The following KANK1 variants were observed in gnomAD, a reference collection of about 807,000 sequenced individuals.
KANK1 encodes the protein KN motif and ankyrin repeat domains 1, also known as KN motif and ankyrin repeat domain-containing protein 1.
KANK1 carries 109 observed loss-of-function variants against 106.2 expected under a neutral mutation model. The observed-to-expected ratio is 1.03, with a 90% CI of 0.88 to 1.20. The LOEUF is 1.20. KANK1 is among the 50% of genes most tolerant of loss of function. The pLI, the probability that KANK1 is intolerant of heterozygous loss-of-function variation, is 0.00. For synonymous variants in KANK1, 873 were observed against 652.2 expected, an observed-to-expected ratio of 1.34 and a Z score of -5.16; for missense variants, 2,399 against 1,710.7, an observed-to-expected ratio of 1.40 and a Z score of -7.10.
chr9:723,300 G>C (rs1829834201), intron 3 of KANK1, among the ~76,000 whole-genome samples: 1 of 152,138 alleles, frequency 6.6e-6, no homozygotes, highest in African/African-American at 2.4e-5. Flanking sequence ...AGTAAGCTGT[G>C]GTGAGAAAAA....
intron 9 of KANK1, 57 bp downstream of exon 9, chr9:740,991 G>A (rs541533752): frequency 1.3e-6 from 2 of 1,591,802 alleles, no homozygotes; most frequent in East Asian, 2.2e-5. Flanking sequence ...AGACAGGACT[G>A]CGGTGGCCAT....
Position 562,238 on chromosome 9 carries a change from G to A in KANK1, c.-84+57484G>A, listed in dbSNP as rs537995311. ...CGGCTAATTTTTTGTATTTTTAGTA[G>A]AGACGGGGTTTCACCTTGTTAGCCA... On this transcript the variant is annotated intron_variant, in intron 1 of 11. Transcript: ENST00000382297. Among the ~76,000 whole-genome samples the A allele has an allele frequency of 1.4e-3, 209 of 150,646 alleles. 1 individual carries two copies. The highest frequency in any genetic ancestry group is 3.8e-3 in the Admixed American group (58 of 15,124).
At chr9:737,610 G>A (rs1589314673) in intron 7 of KANK1, among the ~76,000 whole-genome samples, 1 of 152,176 alleles carries the variant, frequency 6.6e-6, no homozygotes, top group Non-Finnish European at 1.5e-5. Flanking sequence ...TGGAGCTGAT[G>A]AGAGAATGAA....
chr9:574,188 GGGGCCGAAGCTCTGT>G (rs1819936306), intron 1 of KANK1, among the ~76,000 whole-genome samples: 1 of 152,246 alleles, frequency 6.6e-6, no homozygotes, highest in Non-Finnish European at 1.5e-5. Context: ...CTTAGGAAAG[GGGGCCGAAGCTCTGT>G]ACCTGTAACA....
intron 3 of KANK1, among the ~76,000 whole-genome samples, chr9:718,644 C>T (rs191742861): frequency 6.6e-6 from 1 of 152,138 alleles, no homozygotes; most frequent in Non-Finnish European, 1.5e-5. Context: ...TTGTGGACTT[C>T]CATGGCCTCC....
intron 1 of KANK1, among the ~76,000 whole-genome samples, chr9:559,100 G>A (rs929077992): frequency 5.3e-5 from 8 of 152,100 alleles, no homozygotes; most frequent in Admixed American, 6.5e-5. Flanking sequence ...ACTGTGATCT[G>A]TATTTTAAAT....
intron 3 of KANK1, among the ~76,000 whole-genome samples, chr9:481,123 C>T (rs958647945): frequency 4.6e-5 from 7 of 152,150 alleles, no homozygotes; most frequent in African/African-American, 1.4e-4. Flanking sequence ...TGTAGAATAT[C>T]TCATGTAATT....
intron 1 of KANK1, among the ~76,000 whole-genome samples, chr9:587,654 A>G (rs1046826782): frequency 6.6e-6 from 1 of 152,198 alleles, no homozygotes; most frequent in East Asian, 1.9e-4. Context: ...AACTTGAGTA[A>G]CATTTATTAC....
chr9:697,737 A>G (rs903233157), intron 2 of KANK1, among the ~76,000 whole-genome samples: 2 of 152,200 alleles, frequency 1.3e-5, no homozygotes, highest in African/African-American at 2.4e-5. Context: ...ACTTGTTACT[A>G]TCATTAATCA....
chr9:666,354 G>GT (rs1471057892), intron 1 of KANK1, among the ~76,000 whole-genome samples: 1 of 152,100 alleles, frequency 6.6e-6, no homozygotes, highest in Non-Finnish European at 1.5e-5. Flanking sequence ...ACTTCTAATA[G>GT]TTTTTTGGTT....
intron 1 of KANK1, among the ~76,000 whole-genome samples, chr9:645,459 AAAG>A (rs1839462214): frequency 1.3e-5 from 2 of 148,976 alleles, no homozygotes; most frequent in East Asian, 3.9e-4. Context: ...AAAAAAAAAA[AAAG>A]GCCTTAAGAT....
intron 2 of KANK1, chr9:686,680 C>T: frequency 1.2e-6 from 1 of 853,040 alleles, no homozygotes; most frequent in Non-Finnish European, 1.4e-6. Context: ...CCAGGGACAA[C>T]TGTTTGGCAG....
chr9:616,620 G>A (rs1004036498), intron 1 of KANK1, among the ~76,000 whole-genome samples: 2 of 152,074 alleles, frequency 1.3e-5, no homozygotes, highest in African/African-American at 4.8e-5. Context: ...TCCTTTCTAA[G>A]CCACTCATTA....
intron 1 of KANK1, among the ~76,000 whole-genome samples, chr9:552,102 A>G (rs976494097): frequency 6.6e-6 from 1 of 152,140 alleles, no homozygotes; most frequent in Non-Finnish European, 1.5e-5. Flanking sequence ...AATCTAGCCT[A>G]GGCAAGTACG....
intron 1 of KANK1, among the ~76,000 whole-genome samples, chr9:525,371 G>C (rs1321586093): frequency 1.3e-5 from 2 of 150,940 alleles, no homozygotes; most frequent in Non-Finnish European, 2.9e-5. Context: ...GTGTGTGTGT[G>C]TGTGTGTGTG....
intron 1 of KANK1, among the ~76,000 whole-genome samples, chr9:562,422 C>G (rs965139076): frequency 6.6e-5 from 10 of 152,184 alleles, no homozygotes; most frequent in Non-Finnish European, 1.3e-4. Context: ...TGGGAACGGA[C>G]AAAAAGCTGC....
At chr9:482,991 A>AG (rs1191712828) in intron 3 of KANK1, among the ~76,000 whole-genome samples, 1 of 152,194 alleles carries the variant, frequency 6.6e-6, no homozygotes, top group African/African-American at 2.4e-5. Flanking sequence ...ATCACTTAGT[A>AG]GATCTGTTGG....
rs941213028 is a variant in KANK1 at position 626,360 on chromosome 9, C to T, written c.-83-50530C>T. 3.3e-5 allele frequency among the ~76,000 whole-genome samples: 5 copies of T among 151,996 alleles called. 1 individual carries two copies. The highest frequency in any genetic ancestry group is 2.6e-4 in the Admixed American group (4 of 15,270). On this transcript the variant is annotated intron_variant, in intron 1 of 11. Coordinates refer to ENST00000382297, the MANE Select transcript of KANK1 (RefSeq NM_015158.5). ...GTCCCAGCTACTCGGAAGGCTGAGG[C>T]GGGAGAATTGCTTGAATTCAGGAGG...
intron 2 of KANK1, among the ~76,000 whole-genome samples, chr9:682,141 G>T (rs1817677015): frequency 6.6e-6 from 1 of 152,014 alleles, no homozygotes; most frequent in South Asian, 2.1e-4. Flanking sequence ...CTAGCTGGGT[G>T]TGGTGGTGGG....
Sources: gnomAD v4.1 joint callset for allele counts (sites outside exome capture counted in the v4.1 genomes callset) on GRCh38, gnomAD v4.1.1 for gene constraint, MANE v1.5 for transcripts, NCBI Gene and HGNC (gene_info 2026-07-23, HGNC 2026-07-21) for gene names.